CDC16: variants seen among roughly 807,000 people sequenced by gnomAD.
The protein encoded by CDC16 is cell division cycle protein 16 homolog.
In CDC16, 34 loss-of-function variants were observed where a neutral mutation model predicts 87.0. That is an observed-to-expected ratio of 0.39 (90% CI 0.30 to 0.52). The LOEUF (loss-of-function observed/expected upper bound fraction) is 0.52, where lower values mean the gene tolerates loss of function less well. CDC16 is among the 20% of genes least tolerant of loss of function. The pLI is 0.74. For synonymous variants in CDC16, 263 were observed against 260.6 expected (o/e 1.01, Z -0.09); for missense variants, 653 against 751.9 (o/e 0.87, Z 1.54).
chr13:114,249,032 C>A (rs2082018544), intron 11 of CDC16, among the ~76,000 whole-genome samples: 1 of 151,720 alleles, frequency 6.6e-6, no homozygotes. Context: ...GTGCTTTTTT[C>A]TATTATTATT....
At position 114,244,963 on chromosome 13, in the gene CDC16, G is replaced by A; in HGVS notation, c.841G>A (p.Ala281Thr). 1.3e-6 allele frequency: 2 copies of A among 1,569,612 alleles called. No homozygotes were observed. Among genetic ancestry groups the A allele is most frequent in the East Asian group, 2.3e-5 (1 of 44,020 alleles). ...AGGGACGCTTGTAGAGCTGAATAAA[G>A]CCAATGGTAAGACTTTTTTTTAAAT... is the stretch of plus-strand genomic sequence containing the variant. The part of the protein sequence containing the change: ...HIGTLVELNK[A>T]NELFYLSHKL... Residue 281 changes from alanine (A) to threonine (T), a missense_variant, in exon 9 of 18, where the codon GCC becomes ACC. Physicochemically the swap from Ala to Thr is moderately conservative, Grantham distance 58. Coordinates refer to ENST00000356221, the MANE Select transcript of CDC16 (RefSeq NM_001078645.3).
intron 16 of CDC16, chr13:114,264,900 G>A (rs1566682544): frequency 1.4e-5 from 5 of 357,218 alleles, no homozygotes; most frequent in Non-Finnish European, 2.7e-5. Flanking sequence ...GAGCCACTGC[G>A]CCCAGTCGAG....
At chr13:114,238,528 C>G (rs971538967) in intron 3 of CDC16, among the ~76,000 whole-genome samples, 7 of 151,576 alleles carry the variant, frequency 4.6e-5, no homozygotes, top group Admixed American at 4.6e-4. Context: ...CCTCGGACGC[C>G]CAGCAGTTAT....
intron 11 of CDC16, among the ~76,000 whole-genome samples, chr13:114,249,840 G>A (rs918140822): frequency 6.6e-6 from 1 of 152,160 alleles, no homozygotes; most frequent in Non-Finnish European, 1.5e-5. Context: ...ATGCTAATGG[G>A]TTTTGCTACA....
chr13:114,247,668 A>G (rs1030140673), intron 11 of CDC16, among the ~76,000 whole-genome samples: 3 of 152,090 alleles, frequency 2.0e-5, no homozygotes, highest in African/African-American at 7.2e-5. Flanking sequence ...ACCTGAGGTC[A>G]GGAGTTCAAG....
At chr13:114,259,432 T>G (rs766801219) in intron 14 of CDC16, 34 bp downstream of exon 14, 1 of 1,227,388 alleles carries the variant, frequency 8.1e-7, no homozygotes, top group Non-Finnish European at 1.1e-6. Flanking sequence ...TATACACATA[T>G]ACACCCCTGA....
intron 11 of CDC16, among the ~76,000 whole-genome samples, chr13:114,248,859 A>G (rs1435858467): frequency 1.3e-5 from 2 of 151,960 alleles, no homozygotes; most frequent in Non-Finnish European, 2.9e-5. Flanking sequence ...GTATTGTAAA[A>G]GTTATTTTGA....
chr13:114,261,016 A>G (rs948468298), intron 14 of CDC16, among the ~76,000 whole-genome samples: 15 of 152,162 alleles, frequency 9.9e-5, no homozygotes, highest in Admixed American at 7.9e-4. Context: ...AATACGGTGC[A>G]ATTGAGGAAC....
intron 9 of CDC16, among the ~76,000 whole-genome samples, chr13:114,245,304 G>T: frequency 7.0e-6 from 1 of 142,024 alleles, no homozygotes; most frequent in Non-Finnish European, 1.5e-5. Context: ...CTGGAAATCT[G>T]ATATGGTAAG....
chr13:114,268,152 A>G (rs965019176), intron 17 of CDC16, among the ~76,000 whole-genome samples: 5 of 152,166 alleles, frequency 3.3e-5, no homozygotes, highest in South Asian at 4.1e-4. Context: ...GAGTTCCCCT[A>G]TGTAGAGCAG....
intron 12 of CDC16, among the ~76,000 whole-genome samples, chr13:114,251,823 T>C (rs1030946277): frequency 6.6e-6 from 1 of 152,266 alleles, no homozygotes; most frequent in Non-Finnish European, 1.5e-5. Flanking sequence ...TGTCCTCACA[T>C]GGCAGAGAGA....
intron 10 of CDC16, among the ~76,000 whole-genome samples, chr13:114,246,469 G>C (rs139635518): frequency 1.1e-4 from 16 of 152,304 alleles, no homozygotes; most frequent in East Asian, 9.6e-4. Flanking sequence ...TCGGAATGGA[G>C]AACTAGGAAT....
At chr13:114,240,682 G>A (rs932664425) in intron 5 of CDC16, among the ~76,000 whole-genome samples, 1 of 152,042 alleles carries the variant, frequency 6.6e-6, no homozygotes, top group African/African-American at 2.4e-5. Context: ...TTTGGTAGAA[G>A]TTTATTACTT....
chr13:114,246,074 A>ATT (rs1566648386), intron 10 of CDC16, 25 bp downstream of exon 10: 1 of 1,140,414 alleles, frequency 8.8e-7, no homozygotes, highest in Admixed American at 2.7e-5. Flanking sequence ...TTTTAGTCTT[A>ATT]GTTTTTTTTT....
Position 114,257,078 on chromosome 13 carries a change from G to T in CDC16, c.1098G>T (p.Gly366=). Residue 366 remains glycine (G), a splice_region_variant and synonymous_variant, in exon 13 of 18, where the codon GGG becomes GGT. Coordinates refer to ENST00000356221, the MANE Select transcript of CDC16 (RefSeq NM_001078645.3). ...TATGTGAAATTTTCCAATTTTTTAG[G>T]TGTCATTTGCCTATGCTGTATATTG... The part of the protein sequence containing the change: ...AYFTAAQLMK[G]CHLPMLYIGL... The T allele has an allele frequency of 2.0e-6, 3 of 1,521,572 alleles. No individual in the cohort carries two copies. The highest frequency in any genetic ancestry group is 2.7e-6 in the Non-Finnish European group (3 of 1,123,824). 94.3% of individuals were successfully genotyped at this position (1,521,572 alleles called of 1,614,324 possible). A position where few individuals can be genotyped will look rare whatever the true frequency, so the allele number is the denominator to read the frequency against.
At chr13:114,269,661 A>C (rs1040933472) in intron 17 of CDC16, among the ~76,000 whole-genome samples, 2 of 152,234 alleles carry the variant, frequency 1.3e-5, no homozygotes, top group Non-Finnish European at 2.9e-5. Flanking sequence ...TTGAAAGACT[A>C]CTGAATCATT....
intron 3 of CDC16, 89 bp downstream of exon 3, chr13:114,236,985 C>G: frequency 2.6e-6 from 2 of 765,416 alleles, no homozygotes; most frequent in South Asian, 2.2e-5. Context: ...CCTGTAATCC[C>G]AGCGCTTTGG....
At chr13:114,259,281 A>G in intron 13 of CDC16, 54 bp from the exon 14 acceptor site, 5 of 1,335,954 alleles carry the variant, frequency 3.7e-6, no homozygotes, top group Non-Finnish European at 5.1e-6. Flanking sequence ...ATTTTTTTAA[A>G]GTTTATATTT....
intron 10 of CDC16, 128 bp downstream of exon 10, chr13:114,246,177 T>C (rs868710071): frequency 9.4e-6 from 5 of 531,778 alleles, no homozygotes; most frequent in Middle Eastern, 4.9e-4. Context: ...TGCAACAGAA[T>C]CTCCTAGTGT....
Sources: gnomAD v4.1 joint callset for allele counts (sites outside exome capture counted in the v4.1 genomes callset) on GRCh38, gnomAD v4.1.1 for gene constraint, MANE v1.5 for transcripts, NCBI Gene and HGNC (gene_info 2026-07-23, HGNC 2026-07-21) for gene names.